The following RPH3A variants were observed in gnomAD, a reference collection of about 807,000 sequenced individuals.
RPH3A encodes rabphilin 3A.
In RPH3A, 48 loss-of-function variants were observed where a neutral mutation model predicts 102.2. The ratio of observed to expected loss-of-function variants is 0.47; its 90% CI spans 0.37 to 0.60. The LOEUF (loss-of-function observed/expected upper bound fraction) is 0.60, where lower values mean the gene tolerates loss of function less well. Among genes scored for constraint, RPH3A ranks in the 20% least tolerant of loss-of-function variants. RPH3A has a pLI of 0.00. For synonymous variants in RPH3A, 310 were observed against 324.3 expected, an observed-to-expected ratio of 0.96 and a Z score of 0.47; for missense variants, 781 against 910.1, an observed-to-expected ratio of 0.86 and a Z score of 1.83.
intron 1 of RPH3A, among the ~76,000 whole-genome samples, chr12:112,729,065 G>A (rs1479826719): frequency 6.6e-6 from 1 of 152,096 alleles, no homozygotes; most frequent in Non-Finnish European, 1.5e-5. Context: ...TGATAATGGA[G>A]CCTGAGATCT....
At chr12:112,885,720 T>G (rs2042992298) in intron 16 of RPH3A, among the ~76,000 whole-genome samples, 1 of 152,178 alleles carries the variant, frequency 6.6e-6, no homozygotes, top group Admixed American at 6.5e-5. Flanking sequence ...AATAAATGTC[T>G]TTTTTAATCA....
chr12:112,772,209 C>T lies in RPH3A; in HGVS notation c.-139-19934C>T, dbSNP rs926902838. On this transcript the variant is annotated intron_variant, in intron 1 of 21. Coordinates refer to the RPH3A transcript ENST00000543106. ...TGCAAATCCATGTCAGTCCCTCTTCCGGCAAGTCACCCAATTCCTCCTCAC... is the reference window on the plus strand; with the variant it reads ...TGCAAATCCATGTCAGTCCCTCTTCTGGCAAGTCACCCAATTCCTCCTCAC... 3.9e-5 allele frequency among the ~76,000 whole-genome samples: 6 copies of T among 152,288 alleles called. No individual in the cohort carries two copies. In the East Asian group the frequency reaches 5.8e-4, roughly 15 times the overall value.
At chr12:112,673,232 T>G (rs937560161) in intron 1 of RPH3A, among the ~76,000 whole-genome samples, 1 of 152,192 alleles carries the variant, frequency 6.6e-6, no homozygotes, top group Non-Finnish European at 1.5e-5. Context: ...TGTTCTCTCC[T>G]TTGAGCCTCA....
At chr12:112,810,311 C>G (rs2041547951) in intron 2 of RPH3A, among the ~76,000 whole-genome samples, 1 of 152,198 alleles carries the variant, frequency 6.6e-6, no homozygotes, top group Non-Finnish European at 1.5e-5. Flanking sequence ...AAACTGGCAG[C>G]CTGGCTGGGG....
intron 1 of RPH3A, among the ~76,000 whole-genome samples, chr12:112,713,005 C>CTTCTTCTTCTTCTTCTTCT (rs2040483017): frequency 1.5e-5 from 1 of 66,532 alleles, no homozygotes; most frequent in African/African-American, 6.7e-5. Flanking sequence ...CTTCCTCTTC[C>CTTCTTCTTCTTCTTCTTCT]TCTTCCTCTT....
rs2040599416 is a variant in RPH3A at position 112,727,420 on chromosome 12, T to TAC, written c.-139-64721_-139-64720dup. 5.4e-5 allele frequency among the ~76,000 whole-genome samples: 7 copies of TAC among 130,532 alleles called. No homozygotes were observed. The East Asian group carries it at 6.6e-4, about 12-fold the overall frequency. 85.6% of individuals were successfully genotyped at this position (130,532 alleles called of 152,430 possible). On this transcript the variant is annotated intron_variant, in intron 1 of 21. Transcript: ENST00000543106. ...AAAAAAAAAAAAATATATATATATA[T>TAC]ACATACACACACACACATACATACA...
In RPH3A at chr12:112,713,051, C is replaced by CCTTCTTCTTCTTCTT. The variant is rs397958107; in HGVS notation, c.-139-79055_-139-79041dup. 1.0e-3 allele frequency among the ~76,000 whole-genome samples: 86 copies of CCTTCTTCTTCTTCTT among 85,870 alleles called. 3 individuals are homozygous for CCTTCTTCTTCTTCTT. Among genetic ancestry groups the CCTTCTTCTTCTTCTT allele is most frequent in the South Asian group, 2.8e-3 (5 of 1,804 alleles). 56.3% of individuals were successfully genotyped at this position (85,870 alleles called of 152,430 possible). On this transcript the variant is annotated intron_variant, in intron 1 of 21. Transcript: ENST00000543106. ...TTCTTCTTCTTCTTCTTCTTCTTCTCCTTCTTCTTCTTCTTCTTCTTCTTC... is the reference window on the plus strand; with the variant it reads ...TTCTTCTTCTTCTTCTTCTTCTTCTCCTTCTTCTTCTTCTTCTTCTTCTTCTTCTTCTTCTTCTTC...
intron 1 of RPH3A, among the ~76,000 whole-genome samples, chr12:112,760,375 T>A (rs967218919): frequency 1.3e-5 from 2 of 152,228 alleles, no homozygotes; most frequent in Admixed American, 6.5e-5. Context: ...GAAGTCCATG[T>A]CATAGCCTGT....
chr12:112,730,583 C>T (rs2040625657), intron 1 of RPH3A, among the ~76,000 whole-genome samples: 1 of 152,218 alleles, frequency 6.6e-6, no homozygotes, highest in African/African-American at 2.4e-5. Context: ...TCTCTCCGCC[C>T]AATCCTGCTT....
At chr12:112,837,942 C>A in intron 4 of RPH3A, 1 of 408,700 alleles carries the variant, frequency 2.4e-6, no homozygotes, top group Non-Finnish European at 4.9e-6. Context: ...TAAACACTTA[C>A]CCCAAGTACC....
chr12:112,597,482 A>G (rs1289196796), intron 1 of RPH3A, among the ~76,000 whole-genome samples: 2 of 152,140 alleles, frequency 1.3e-5, no homozygotes, highest in Non-Finnish European at 2.9e-5. Flanking sequence ...GGCTGGGAGT[A>G]CAGCCTTGGG....
chr12:112,766,439 G>A (rs2136069810), intron 1 of RPH3A, among the ~76,000 whole-genome samples: 1 of 152,294 alleles, frequency 6.6e-6, no homozygotes, highest in African/African-American at 2.4e-5. Flanking sequence ...GTTCCCAGGT[G>A]TAGACCCTGA....
At chr12:112,590,267 G>A (rs922636157) in intron 1 of RPH3A, among the ~76,000 whole-genome samples, 1 of 152,178 alleles carries the variant, frequency 6.6e-6, no homozygotes, top group African/African-American at 2.4e-5. Flanking sequence ...GAGCCAGTGA[G>A]TGGCACAGCT....
intron 1 of RPH3A, among the ~76,000 whole-genome samples, chr12:112,690,674 G>T (rs1348964756): frequency 6.6e-6 from 1 of 152,188 alleles, no homozygotes; most frequent in Non-Finnish European, 1.5e-5. Context: ...ATCAATGTCC[G>T]TTGGAATTGG....
At chr12:112,765,961 C>T (rs182769725) in intron 1 of RPH3A, among the ~76,000 whole-genome samples, 2 of 152,334 alleles carry the variant, frequency 1.3e-5, no homozygotes, top group East Asian at 3.9e-4. Flanking sequence ...CATACTGTCA[C>T]CATGGACCCT....
At chr12:112,719,615 T>C (rs1421894221) in intron 1 of RPH3A, among the ~76,000 whole-genome samples, 1 of 152,202 alleles carries the variant, frequency 6.6e-6, no homozygotes, top group African/African-American at 2.4e-5. Context: ...CTCCAGCATG[T>C]AGTAGACATT....
At position 112,768,818 on chromosome 12, in the gene RPH3A, G is replaced by A. The variant is rs539299335; in HGVS notation, c.-139-23325G>A. Among the ~76,000 whole-genome samples the A allele has an allele frequency of 1.7e-4, 26 of 152,242 alleles. No homozygotes were observed. In the East Asian group the frequency reaches 5.0e-3, roughly 29 times the overall value. Reference sequence around the variant, plus strand: ...TTCTAGCTACTCAAGAGGCTAAGGAGGGAAGGTCATTTGAGCCCAGGGATT... The same window carrying A: ...TTCTAGCTACTCAAGAGGCTAAGGAAGGAAGGTCATTTGAGCCCAGGGATT... On this transcript the variant is annotated intron_variant, in intron 1 of 21. Transcript: ENST00000543106.
chr12:112,631,182 T>C (rs933395257), intron 1 of RPH3A, among the ~76,000 whole-genome samples: 12 of 152,130 alleles, frequency 7.9e-5, no homozygotes, highest in African/African-American at 2.9e-4. Flanking sequence ...TGCAGCAAAC[T>C]TGGACACAAA....
At chr12:112,838,787 G>A (rs2042096386) in intron 4 of RPH3A, among the ~76,000 whole-genome samples, 1 of 152,096 alleles carries the variant, frequency 6.6e-6, no homozygotes, top group Non-Finnish European at 1.5e-5. Context: ...GATATGGAAG[G>A]CTGTCCTTTG....
Sources: gnomAD v4.1 joint callset for allele counts (sites outside exome capture counted in the v4.1 genomes callset) on GRCh38, gnomAD v4.1.1 for gene constraint, MANE v1.5 for transcripts, NCBI Gene and HGNC (gene_info 2026-07-23, HGNC 2026-07-21) for gene names.